Variants in LRRK1 observed in about 807,000 individuals in gnomAD.
LRRK1 encodes the protein leucine rich repeat kinase 1.
In LRRK1, 113 loss-of-function variants were observed where a neutral mutation model predicts 209.1. The observed-to-expected ratio is 0.54, with a 90% CI of 0.46 to 0.63. LRRK1 has a LOEUF of 0.63. Among genes scored for constraint, LRRK1 ranks in the 30% least tolerant of loss-of-function variants. The pLI is 0.00. For synonymous variants in LRRK1, 1,144 were observed against 1,099.7 expected (o/e 1.04, Z -0.80); for missense variants, 2,284 against 2,632.2 (o/e 0.87, Z 2.89).
intron 27 of LRRK1, among the ~76,000 whole-genome samples, chr15:101,056,084 T>C (rs1236094181): frequency 6.6e-6 from 1 of 152,228 alleles, no homozygotes; most frequent in Non-Finnish European, 1.5e-5. Flanking sequence ...ACTCAGATTA[T>C]CATGGAAACA....
rs549021266 is a variant in LRRK1 at position 101,010,753 on chromosome 15, C to T, written c.1197C>T (p.Phe399=). 27 of 1,613,720 alleles carry T rather than the reference C, an allele frequency of 1.7e-5. No homozygotes were observed. The South Asian group carries it at 2.0e-4, about 12-fold the overall frequency. ...DNKLTELPAL[F]LHSFKSLNSL... is the part of the protein sequence containing the mutation. ...AATTGACAGAACTCCCTGCCCTGTT[C>T]CTTCACTCTTTCAAGTCCCTCAATT... Residue 399 remains phenylalanine (F), a synonymous_variant, in exon 9 of 34, where the codon TTC becomes TTT. Transcript: ENST00000388948.
intron 31 of LRRK1, among the ~76,000 whole-genome samples, chr15:101,064,148 G>T (rs1319010382): frequency 6.6e-6 from 1 of 152,278 alleles, no homozygotes; most frequent in Admixed American, 6.5e-5. Context: ...AGCCAGGACT[G>T]CAGATAGAGA....
In LRRK1 at chr15:101,049,629, G is replaced by A. The variant is rs373551999; in HGVS notation, c.3300-15G>A. The A allele has an allele frequency of 1.2e-6, 2 of 1,612,248 alleles. No individual in the cohort carries two copies. Among genetic ancestry groups the A allele is most frequent in the Non-Finnish European group, 1.7e-6 (2 of 1,179,180 alleles). ...GCCAGATCGCAATGGGCTCCTTTTG[G>A]TCTCTGGATTGCAGTGTGGAATCTT... On this transcript the variant is annotated splice_polypyrimidine_tract_variant and intron_variant, in intron 22 of 33. Transcript: ENST00000388948.
chr15:101,015,869 G>C (rs2033513110), intron 12 of LRRK1, among the ~76,000 whole-genome samples: 1 of 152,142 alleles, frequency 6.6e-6, no homozygotes, highest in South Asian at 2.1e-4. Flanking sequence ...CTGGAAGCTG[G>C]ATATCTGAGA....
chr15:101,063,732 G>A (rs1460756136), intron 31 of LRRK1, among the ~76,000 whole-genome samples: 1 of 151,830 alleles, frequency 6.6e-6, no homozygotes, highest in Non-Finnish European at 1.5e-5. Flanking sequence ...CGGTGTGCTT[G>A]GTAAATGAGT....
intron 2 of LRRK1, among the ~76,000 whole-genome samples, chr15:100,972,110 G>A (rs1388296243): frequency 6.6e-6 from 1 of 151,702 alleles, no homozygotes; most frequent in African/African-American, 2.4e-5. Flanking sequence ...TTACAGGCGC[G>A]TGCCACCACA....
intron 2 of LRRK1, 113 bp downstream of exon 2, chr15:100,924,842 C>T (rs770440544): frequency 1.0e-5 from 7 of 695,366 alleles, no homozygotes; most frequent in East Asian, 2.7e-5. Flanking sequence ...AATCAAATGT[C>T]CATCATTTGG....
chr15:101,048,615 G>A lies in LRRK1; in HGVS notation c.3257G>A (p.Trp1086Ter). 6.4e-7 allele frequency: 1 copy of A among 1,550,654 alleles called. No homozygotes were observed. The highest frequency in any genetic ancestry group is 8.7e-7 in the Non-Finnish European group (1 of 1,155,912). ...FRVKRNQTIYWQEGLLVTFDG... is the reference protein window; with the variant it reads ...FRVKRNQTIY ...GTGAAAAGAAATCAGACCATCTATT[G>A]GCAGGAAGGGCTCCTGGTCACTTTT... The change falls in exon 22 of 34, where the codon TGG becomes TAG. Residue 1086 changes from tryptophan to a stop codon, truncating the protein, a stop_gained. Coordinates refer to ENST00000388948, the MANE Select transcript of LRRK1 (RefSeq NM_024652.6). LOFTEE classifies it high-confidence loss of function.
At chr15:101,043,238 C>T (rs528760773) in intron 20 of LRRK1, among the ~76,000 whole-genome samples, 5 of 152,338 alleles carry the variant, frequency 3.3e-5, no homozygotes, top group South Asian at 2.1e-4. Flanking sequence ...AGGCCAGAGA[C>T]CCGGCCACCT....
intron 2 of LRRK1, among the ~76,000 whole-genome samples, chr15:100,939,869 A>G (rs918865421): frequency 1.8e-4 from 27 of 152,290 alleles, no homozygotes; most frequent in African/African-American, 6.0e-4. Flanking sequence ...AAGGCGGCCA[A>G]TGAAGGTGGG....
At chr15:101,044,856 C>G (rs1358440137) in intron 20 of LRRK1, among the ~76,000 whole-genome samples, 1 of 152,244 alleles carries the variant, frequency 6.6e-6, no homozygotes, top group Non-Finnish European at 1.5e-5. Context: ...GGAACAAACA[C>G]TGAGCAGATA....
intron 1 of LRRK1, among the ~76,000 whole-genome samples, chr15:100,921,050 T>G (rs2042012872): frequency 6.6e-6 from 1 of 152,206 alleles, no homozygotes; most frequent in African/African-American, 2.4e-5. Flanking sequence ...TCCCTCACTC[T>G]GCAGCCTCCC....
At chr15:100,962,073 A>C (rs943433765) in intron 2 of LRRK1, among the ~76,000 whole-genome samples, 12 of 152,228 alleles carry the variant, frequency 7.9e-5, no homozygotes, top group Non-Finnish European at 1.8e-4. Flanking sequence ...CAGTTGCTTC[A>C]ATATAGATAA....
chr15:101,028,171 A>C (rs1480705336), intron 19 of LRRK1, among the ~76,000 whole-genome samples: 1 of 152,244 alleles, frequency 6.6e-6, no homozygotes, highest in Admixed American at 6.5e-5. Context: ...ATACGGAACC[A>C]GTGCTCCTAG....
chr15:100,981,480 A>G (rs947049138), intron 3 of LRRK1, among the ~76,000 whole-genome samples: 1 of 152,116 alleles, frequency 6.6e-6, no homozygotes, highest in African/African-American at 2.4e-5. Flanking sequence ...CCAGCCCCTT[A>G]GACTGTTCCT....
At chr15:100,944,007 C>T (rs1036431981) in intron 2 of LRRK1, among the ~76,000 whole-genome samples, 7 of 152,102 alleles carry the variant, frequency 4.6e-5, no homozygotes, top group African/African-American at 1.7e-4. Flanking sequence ...GTTCAGCCTC[C>T]AGCCATTCAT....
chr15:100,923,167 A>G (rs976524123), intron 1 of LRRK1, among the ~76,000 whole-genome samples: 2 of 152,164 alleles, frequency 1.3e-5, no homozygotes, highest in South Asian at 2.1e-4. Context: ...TCGTAGAGAG[A>G]GGCTGCAGAA....
At chr15:101,023,301 G>C (rs575555148) in intron 15 of LRRK1, among the ~76,000 whole-genome samples, 17 of 152,286 alleles carry the variant, frequency 1.1e-4, no homozygotes, top group African/African-American at 4.1e-4. Context: ...CTGCACTCCA[G>C]CCTGGCGACA....
At chr15:100,948,779 G>A (rs1426762668) in intron 2 of LRRK1, among the ~76,000 whole-genome samples, 1 of 152,154 alleles carries the variant, frequency 6.6e-6, no homozygotes, top group Non-Finnish European at 1.5e-5. Context: ...AAGAACGAAT[G>A]TGTTAAAGAA....
Sources: gnomAD v4.1 joint callset for allele counts (sites outside exome capture counted in the v4.1 genomes callset) on GRCh38, gnomAD v4.1.1 for gene constraint, MANE v1.5 for transcripts, NCBI Gene and HGNC (gene_info 2026-07-23, HGNC 2026-07-21) for gene names.